Variants in KIF3A observed in about 807,000 individuals in gnomAD.
KIF3A encodes the protein kinesin family member 3A, also known as kinesin-like protein KIF3A.
A neutral mutation model predicts 92.6 loss-of-function variants in KIF3A; 27 were observed. The observed-to-expected ratio is 0.29, with a 90% CI of 0.21 to 0.40. The LOEUF is 0.40. Ranked by LOEUF, KIF3A falls within the 10% of genes least tolerant of loss-of-function variation. The probability of loss-of-function intolerance (pLI) is 1.00; values close to 1 mark genes in which losing one functional copy is unlikely to be tolerated. For missense variants in KIF3A, 581 were observed against 872.6 expected (o/e 0.67, Z 4.21); for synonymous variants, 250 against 275.4 (o/e 0.91, Z 0.92).
At chr5:132,737,354 GCC>G in intron 1 of KIF3A, 58 bp downstream of exon 1, 1 of 1,559,392 alleles carries the variant, frequency 6.4e-7, no homozygotes, top group South Asian at 1.2e-5. Flanking sequence ...CAACGGCCGC[GCC>G]CCCGGGCCAG....
downstream of KIF3A, among the ~76,000 whole-genome samples, chr5:132,690,857 G>A (rs1204179796): frequency 3.3e-5 from 5 of 152,002 alleles, no homozygotes; most frequent in Non-Finnish European, 5.9e-5. Flanking sequence ...AACCCAGGAG[G>A]CGGAGCTTGC....
At chr5:132,723,780 A>G (rs1243735264) in intron 4 of KIF3A, 1 of 152,270 alleles carries the variant, frequency 6.6e-6, no homozygotes, top group African/African-American at 2.4e-5. Flanking sequence ...AATGGCAACA[A>G]AAGCCAAAAT....
downstream of KIF3A, among the ~76,000 whole-genome samples, chr5:132,690,784 G>A (rs1347839755): frequency 2.6e-5 from 4 of 151,944 alleles, no homozygotes; most frequent in East Asian, 1.9e-4. Context: ...AAAATTAGCC[G>A]GGCGTGGTGG....
At chr5:132,726,328 C>A in intron 3 of KIF3A, 26 bp downstream of exon 3, 1 of 1,610,424 alleles carries the variant, frequency 6.2e-7, no homozygotes, top group Non-Finnish European at 8.5e-7. Flanking sequence ...TTCTCAATAT[C>A]AGAAAATAAA....
At position 132,693,648 on chromosome 5, in the gene KIF3A, G is replaced by A. The variant is rs1209802073; in HGVS notation, c.*2986C>T. ...TGCTATGACTGGAGCTAAATGAATA[G>A]CTCTGAAGTCAGTGTCCCATATTTG... On this transcript the variant is annotated 3_prime_UTR_variant, in exon 19 of 19. Transcript: ENST00000403231. 6.5e-6 allele frequency: 1 copy of A among 152,734 alleles called. No homozygotes were observed. Among genetic ancestry groups the A allele is most frequent in the East Asian group, 1.9e-4 (1 of 5,324 alleles). 9.5% of individuals were successfully genotyped at this position (152,734 alleles called of 1,614,324 possible).
chr5:132,734,559 G>C, intron 1 of KIF3A, 81 bp from the exon 2 acceptor site: 1 of 1,316,556 alleles, frequency 7.6e-7, no homozygotes, highest in Non-Finnish European at 1.0e-6. Context: ...ACTTTAAAAG[G>C]CTACTTTTCC....
At chr5:132,732,663 AC>A (rs1160777038) in intron 2 of KIF3A, among the ~76,000 whole-genome samples, 1 of 152,148 alleles carries the variant, frequency 6.6e-6, no homozygotes, top group Admixed American at 6.5e-5. Context: ...TAATCCCAGC[AC>A]TTTCAGAGGC....
rs1373658636 is a variant in KIF3A, at chr5:132,724,832, T to C, written c.510+1296A>G. 1.6e-3 allele frequency among the ~76,000 whole-genome samples: 63 copies of C among 39,514 alleles called. 2 individuals carry two copies. The highest frequency in any genetic ancestry group is 4.2e-3 in the African/African-American group (61 of 14,550). 25.9% of individuals were successfully genotyped at this position (39,514 alleles called of 152,430 possible). On this transcript the variant is annotated intron_variant, in intron 4 of 18. Coordinates refer to ENST00000403231, the MANE Select transcript of KIF3A (RefSeq NM_001300791.2). The stretch of plus-strand genomic sequence containing the variant: ...ATATATATATATATATATATATATA[T>C]ATATATATATATATATATATATATT...
Position 132,703,510 on chromosome 5 carries a change from C to A in KIF3A, c.1419G>T (p.Lys473Asn), listed in dbSNP as rs764985425. 1 of 1,612,574 alleles carries A rather than the reference C, an allele frequency of 6.2e-7. No homozygotes were observed. The highest frequency in any genetic ancestry group is 1.7e-5 in the Admixed American group (1 of 59,960). The change falls in exon 12 of 19, where the codon AAG becomes AAT. Residue 473 changes from lysine to asparagine, a missense_variant. Physicochemically the swap from Lys to Asn is moderately conservative, Grantham distance 94 (BLOSUM62 0). Coordinates refer to ENST00000403231, the MANE Select transcript of KIF3A (RefSeq NM_001300791.2). Reference sequence around the variant, plus strand: ...CCCGTTTCTCTAATTCAGCTCTAGCCTTGTTTCTTTCTTCTTCTTCCATGT... The same window carrying A: ...CCCGTTTCTCTAATTCAGCTCTAGCATTGTTTCTTTCTTCTTCTTCCATGT... The part of the protein sequence containing the change: ...KLDMEEEERN[K>N]ARAELEKREK...
At chr5:132,700,121 A>G (rs1046304003) in intron 17 of KIF3A, 95 bp downstream of exon 17, 7 of 718,258 alleles carry the variant, frequency 9.7e-6, no homozygotes, top group Non-Finnish European at 1.4e-5. Context: ...TGATTAACAG[A>G]TATCAAGTTG....
At chr5:132,735,540 T>C (rs1173902340) in intron 1 of KIF3A, among the ~76,000 whole-genome samples, 1 of 152,246 alleles carries the variant, frequency 6.6e-6, no homozygotes, top group Non-Finnish European at 1.5e-5. Context: ...GACTCTGACA[T>C]TGTCACTGAC....
intron 3 of KIF3A, 42 bp downstream of exon 3, chr5:132,726,312 T>C (rs1754031240): frequency 1.2e-6 from 2 of 1,604,270 alleles, no homozygotes; most frequent in Non-Finnish European, 1.7e-6. Flanking sequence ...TTTCCAGTGT[T>C]TGTACTTCTC....
Position 132,724,814 on chromosome 5 carries a change from TATATATATATATATATA to T in KIF3A, c.510+1297_510+1313del, listed in dbSNP as rs1753973246. Among the ~76,000 whole-genome samples, 127 of 13,728 alleles carry T rather than the reference TATATATATATATATATA, an allele frequency of 9.3e-3. 5 individuals are homozygous for T. The highest frequency in any genetic ancestry group is 0.016 in the Non-Finnish European group (75 of 4,650). The allele number at this position is 13,728 out of a possible 152,430, so 9.0% of individuals were successfully genotyped here. On this transcript the variant is annotated intron_variant, in intron 4 of 18. Coordinates refer to ENST00000403231, the MANE Select transcript of KIF3A (RefSeq NM_001300791.2). ...TAATAAAAAAAAAAAAAAATATATA[TATATATATATATATATA>T]TATATATATATATATATATATATAT...
At chr5:132,710,896 T>C (rs563271962) in intron 9 of KIF3A, 63 bp downstream of exon 9, 1 of 1,605,354 alleles carries the variant, frequency 6.2e-7, no homozygotes, top group East Asian at 2.2e-5. Flanking sequence ...ATAAAAGTCA[T>C]GCACTCTACC....
intron 2 of KIF3A, among the ~76,000 whole-genome samples, chr5:132,733,370 T>C (rs182811579): frequency 2.6e-5 from 4 of 152,304 alleles, no homozygotes; most frequent in African/African-American, 9.6e-5. Context: ...GCAATCCTAT[T>C]CACAATAGCA....
chr5:132,690,281 C>G (rs147922798), downstream of KIF3A, among the ~76,000 whole-genome samples: 1 of 151,720 alleles, frequency 6.6e-6, no homozygotes, highest in African/African-American at 2.4e-5. Context: ...GTCCTAGTTA[C>G]TCAGGAGGCT....
intron 5 of KIF3A, among the ~76,000 whole-genome samples, chr5:132,717,579 T>C (rs761694590): frequency 6.6e-6 from 1 of 150,972 alleles, no homozygotes; most frequent in Non-Finnish European, 1.5e-5. Context: ...GTCCATAACA[T>C]ATAAATTAAA....
At position 132,716,402 on chromosome 5, in the gene KIF3A, C is replaced by T. The variant is rs1446831124; in HGVS notation, c.797G>A (p.Arg266His). 17 of 1,613,912 alleles carry T rather than the reference C, an allele frequency of 1.1e-5. No individual in the cohort carries two copies. The highest frequency in any genetic ancestry group is 1.4e-5 in the Non-Finnish European group (17 of 1,179,902). Residue 266 changes from arginine to histidine, a missense_variant, in exon 7 of 19, where the codon CGC (arginine) becomes CAC (histidine). Physicochemically the swap from Arg to His is conservative, Grantham distance 29. This residue lies in a region of KIF3A where 40 missense variants were observed against 107.0 expected (regional missense o/e 0.37). Transcript: ENST00000403231. ...ATTGATTTTTGTAGCTTCCTTTAGG[C>T]GCTGTCCAGTAGCTCCAGTTTTTGC... ...RQAKTGATGQ[R>H]LKEATKINLS... is the part of the protein sequence containing the mutation.
At chr5:132,702,065 G>T (rs374966625) in intron 15 of KIF3A, 22 bp downstream of exon 15, 34 of 1,596,620 alleles carry the variant, frequency 2.1e-5, no homozygotes, top group Non-Finnish European at 2.7e-5. Flanking sequence ...CGACTATCTC[G>T]GTCAGAGAAC....
Sources: gnomAD v4.1 joint callset for allele counts (sites outside exome capture counted in the v4.1 genomes callset) on GRCh38, gnomAD v4.1.1 for gene constraint, gnomAD v4.1.1 regional missense constraint, MANE v1.5 for transcripts, NCBI Gene and HGNC (gene_info 2026-07-23, HGNC 2026-07-21) for gene names.